GPR160: variants seen among roughly 807,000 people sequenced by gnomAD.
GPR160 encodes probable G protein-coupled receptor 160.
GPR160 carries 2 observed loss-of-function variants against 2.6 expected under a neutral mutation model. The ratio of observed to expected loss-of-function variants is 0.77; its 90% CI spans 0.32 to 2.44. GPR160 has a LOEUF of 2.44. GPR160 is among the 30% of genes most tolerant of loss of function. The pLI, the probability that GPR160 is intolerant of heterozygous loss-of-function variation, is 0.11. For missense variants in GPR160, 351 were observed against 383.6 expected (o/e 0.91, Z 0.71); for synonymous variants, 130 against 132.2 (o/e 0.98, Z 0.12).
At chr3:170,069,074 C>T (rs950958245) in intron 2 of GPR160, among the ~76,000 whole-genome samples, 1 of 152,184 alleles carries the variant, frequency 6.6e-6, no homozygotes, top group Non-Finnish European at 1.5e-5. Context: ...TTTATGCAGT[C>T]TCCCTGTTAT....
intron 2 of GPR160, among the ~76,000 whole-genome samples, chr3:170,067,791 C>T (rs1270663597): frequency 6.6e-6 from 1 of 151,766 alleles, no homozygotes; most frequent in Non-Finnish European, 1.5e-5. Flanking sequence ...TTTTTTTACT[C>T]TCTAAATTAC....
intron 2 of GPR160, among the ~76,000 whole-genome samples, chr3:170,072,729 A>G (rs1712661463): frequency 6.6e-6 from 1 of 152,136 alleles, no homozygotes. Context: ...GGACTTACTC[A>G]TTACTGTGGG....
At chr3:170,044,118 A>T (rs983945744) in intron 2 of GPR160, among the ~76,000 whole-genome samples, 8 of 152,040 alleles carry the variant, frequency 5.3e-5, no homozygotes, top group Admixed American at 5.2e-4. Flanking sequence ...TGAGGTTGGG[A>T]GTTCGAAACC....
In GPR160 at chr3:170,084,164, C is replaced by T. The variant is rs143298236; in HGVS notation, c.192C>T (p.Phe64=). 82 of 1,590,256 alleles carry T rather than the reference C, an allele frequency of 5.2e-5. No homozygotes were observed. Among genetic ancestry groups the T allele is most frequent in the Non-Finnish European group, 6.5e-5 (76 of 1,168,792 alleles). The change falls in exon 4 of 4, where the codon TTC becomes TTT. Residue 64 remains phenylalanine, a synonymous_variant. Transcript: ENST00000355897. The part of the protein sequence containing the change: ...FMEYFCISLA[F]VDLLLLVNIS... ...AATATTTTTGCATTTCACTAGCATT[C>T]GTTGATCTTTTACTTTTGGTAAACA...
chr3:170,038,916 T>A lies in GPR160; in HGVS notation c.-320T>A, dbSNP rs1716322572. The A allele has an allele frequency of 6.6e-6, 1 of 151,934 alleles. No homozygotes were observed. 9.4% of individuals were successfully genotyped at this position (151,934 alleles called of 1,614,324 possible). A position where few individuals can be genotyped will look rare whatever the true frequency, so the allele number is the denominator to read the frequency against. ...AAACTCCTTTTCTCACCTGCGCAGG[T>A]GGCCTCGAGGTGGTGGCAGGGCCGC... On this transcript the variant is annotated splice_region_variant and 5_prime_UTR_variant, in exon 2 of 4. Transcript: ENST00000355897. This position sits in a 1 kb window ranked among gnomAD's most constrained non-coding sequence, Gnocchi z 5.3.
At chr3:170,045,797 G>A (rs1716696006) in intron 2 of GPR160, among the ~76,000 whole-genome samples, 1 of 152,096 alleles carries the variant, frequency 6.6e-6, no homozygotes. Flanking sequence ...GAGCAAACAG[G>A]GAGAGGCCAA....
chr3:170,042,828 T>TAAAA (rs763216364), intron 2 of GPR160, among the ~76,000 whole-genome samples: 2 of 107,992 alleles, frequency 1.9e-5, no homozygotes, highest in East Asian at 2.8e-4. Context: ...CTCTCTCTCT[T>TAAAA]AAAAAAAAAA....
At chr3:170,044,240 C>T (rs1409304769) in intron 2 of GPR160, among the ~76,000 whole-genome samples, 1 of 148,340 alleles carries the variant, frequency 6.7e-6, no homozygotes. Context: ...TGGAGAATCA[C>T]TTGAACTCAG....
chr3:170,062,480 G>A (rs1712018643), intron 2 of GPR160: 12 of 591,538 alleles, frequency 2.0e-5, no homozygotes, highest in Admixed American at 7.5e-5. Flanking sequence ...AAATGCCAGG[G>A]GAAACCATTA....
chr3:170,042,173 T>G (rs762002125), intron 2 of GPR160, among the ~76,000 whole-genome samples: 1 of 152,132 alleles, frequency 6.6e-6, no homozygotes, highest in Non-Finnish European at 1.5e-5. Flanking sequence ...AGGGCAATTT[T>G]GGTTTTTAAC....
chr3:170,044,122 C>A (rs1308650166), intron 2 of GPR160, among the ~76,000 whole-genome samples: 1 of 151,662 alleles, frequency 6.6e-6, no homozygotes, highest in Non-Finnish European at 1.5e-5. Context: ...GTTGGGAGTT[C>A]GAAACCAACC....
At chr3:170,081,934 GTATA>G (rs1713152780) in intron 3 of GPR160, among the ~76,000 whole-genome samples, 1 of 152,264 alleles carries the variant, frequency 6.6e-6, no homozygotes, top group African/African-American at 2.4e-5. Context: ...GTATTCCATG[GTATA>G]TATGTACCAC....
At chr3:170,064,367 C>T (rs1445611954) in intron 2 of GPR160, among the ~76,000 whole-genome samples, 1 of 152,072 alleles carries the variant, frequency 6.6e-6, no homozygotes, top group Non-Finnish European at 1.5e-5. Flanking sequence ...CTGCCAGCCT[C>T]AGAGAAAGGC....
intron 2 of GPR160, among the ~76,000 whole-genome samples, chr3:170,039,397 T>C (rs543202264): frequency 6.6e-6 from 1 of 152,182 alleles, no homozygotes; most frequent in South Asian, 2.1e-4. Context: ...GGATCCTGAT[T>C]TGATGAATGT....
intron 2 of GPR160, among the ~76,000 whole-genome samples, chr3:170,079,269 G>C (rs1314078786): frequency 2.0e-5 from 3 of 152,112 alleles, no homozygotes; most frequent in African/African-American, 7.2e-5. Flanking sequence ...GCTCGACTAG[G>C]GTCTGTGGGA....
chr3:170,063,997 G>A (rs1321620490), intron 2 of GPR160, among the ~76,000 whole-genome samples: 1 of 152,120 alleles, frequency 6.6e-6, no homozygotes, highest in Non-Finnish European at 1.5e-5. Flanking sequence ...CTAATTCTTT[G>A]TAGAAATGTG....
At chr3:170,068,071 G>C (rs1712431838) in intron 2 of GPR160, among the ~76,000 whole-genome samples, 1 of 152,180 alleles carries the variant, frequency 6.6e-6, no homozygotes, top group South Asian at 2.1e-4. Context: ...GTGGGTTGGG[G>C]AGAAGTTGTT....
intron 2 of GPR160, among the ~76,000 whole-genome samples, chr3:170,067,227 AC>A (rs1038192489): frequency 1.3e-5 from 2 of 151,514 alleles, no homozygotes; most frequent in African/African-American, 4.9e-5. Flanking sequence ...CTGGTCTTGA[AC>A]TCCTGGACTC....
intron 2 of GPR160, among the ~76,000 whole-genome samples, chr3:170,068,394 A>G (rs1416991928): frequency 2.0e-5 from 3 of 152,124 alleles, no homozygotes; most frequent in African/African-American, 7.2e-5. Context: ...ACCTCAAGTG[A>G]TCCACCCACT....
Sources: allele counts gnomAD v4.1 joint callset (sites outside exome capture counted in the v4.1 genomes callset), GRCh38; gene constraint gnomAD v4.1.1; non-coding constraint Gnocchi (gnomAD v3.1); transcripts MANE v1.5; gene names NCBI Gene and HGNC (gene_info 2026-07-23, HGNC 2026-07-21).